The following KIRREL1 variants were observed in gnomAD, a reference collection of about 807,000 sequenced individuals.
KIRREL1 encodes the protein kin of IRRE-like protein 1.
A neutral mutation model predicts 83.3 loss-of-function variants in KIRREL1; 25 were observed. The ratio of observed to expected loss-of-function variants is 0.30; its 90% CI spans 0.22 to 0.42. KIRREL1 has a LOEUF of 0.42. Among genes scored for constraint, KIRREL1 ranks in the 10% least tolerant of loss-of-function variants. KIRREL1 has a pLI of 1.00. For missense variants in KIRREL1, 812 were observed against 1,032.3 expected (o/e 0.79, Z 2.92); for synonymous variants, 388 against 410.4 (o/e 0.95, Z 0.66).
intron 1 of KIRREL1, among the ~76,000 whole-genome samples, chr1:158,025,036 G>C (rs1660129067): frequency 1.3e-5 from 2 of 152,200 alleles, no homozygotes; most frequent in African/African-American, 4.8e-5. Flanking sequence ...TTCCTTTGTA[G>C]CCGCCTCCTC....
At chr1:158,003,874 T>G (rs957412341) in intron 1 of KIRREL1, among the ~76,000 whole-genome samples, 1 of 152,140 alleles carries the variant, frequency 6.6e-6, no homozygotes, top group Non-Finnish European at 1.5e-5. Flanking sequence ...CCGCTGCCAC[T>G]CTCCATTTAT....
At position 158,089,175 on chromosome 1, in the gene KIRREL1, A is replaced by C. The variant is rs1662114168; in HGVS notation, c.1045-327A>C. Among the ~76,000 whole-genome samples, 12 of 152,208 alleles carry C rather than the reference A, an allele frequency of 7.9e-5. No homozygotes were observed. The South Asian group carries it at 2.3e-3, about 29-fold the overall frequency. On this transcript the variant is annotated intron_variant, in intron 8 of 14. Transcript: ENST00000359209. ...AGAACTACAGGAAGAAGAATTTCAGAGTAAAACGTCCTATGTCATTTGGCA... is the reference window on the plus strand; with the variant it reads ...AGAACTACAGGAAGAAGAATTTCAGCGTAAAACGTCCTATGTCATTTGGCA...
intron 1 of KIRREL1, among the ~76,000 whole-genome samples, chr1:158,012,907 T>C (rs6696453): frequency 0.021 from 3,143 of 152,326 alleles, 116 homozygotes; most frequent in African/African-American, 0.071. Context: ...GTGGGGGCTG[T>C]CCTGTACATT....
intron 1 of KIRREL1, among the ~76,000 whole-genome samples, chr1:158,069,175 G>A (rs774547014): frequency 1.3e-5 from 2 of 152,092 alleles, no homozygotes; most frequent in Non-Finnish European, 2.9e-5. Flanking sequence ...GGAAGCAGAC[G>A]GGCATCCATG....
At chr1:158,069,184 T>C (rs1661437776) in intron 1 of KIRREL1, among the ~76,000 whole-genome samples, 1 of 151,972 alleles carries the variant, frequency 6.6e-6, no homozygotes, top group African/African-American at 2.4e-5. Context: ...CGGGCATCCA[T>C]GGGTGCAGAG....
At chr1:158,060,478 C>T (rs1661185996) in intron 1 of KIRREL1, among the ~76,000 whole-genome samples, 1 of 152,204 alleles carries the variant, frequency 6.6e-6, no homozygotes, top group African/African-American at 2.4e-5. Flanking sequence ...TGCTCCCTTT[C>T]CCATGTCCTT....
In KIRREL1 at chr1:158,098,628, C is replaced by T. The variant is rs749202265; in HGVS notation, c.*3508C>T. ...GTCACTTCCCTCGTGAAGGACCCGC[C>T]CTATATCCTAAATTCTGGATCCCTC... is the stretch of plus-strand genomic sequence containing the variant. On this transcript the variant is annotated 3_prime_UTR_variant, in exon 15 of 15. Coordinates refer to ENST00000359209, the MANE Select transcript of KIRREL1 (RefSeq NM_018240.7). 1.3e-5 allele frequency: 2 copies of T among 152,164 alleles called. No homozygotes were observed. Among genetic ancestry groups the T allele is most frequent in the Non-Finnish European group, 2.9e-5 (2 of 68,036 alleles). The allele number at this position is 152,164 out of a possible 1,614,324, so 9.4% of individuals were successfully genotyped here. A position where few individuals can be genotyped will look rare whatever the true frequency, so the allele number is the denominator to read the frequency against.
chr1:158,078,779 GGCTCTTGGAAGCCCTGCA>G (rs1031598081), intron 3 of KIRREL1, among the ~76,000 whole-genome samples: 50 of 152,310 alleles, frequency 3.3e-4, no homozygotes, highest in African/African-American at 1.1e-3. Context: ...GATGGCTGCT[GGCTCTTGGAAGCCCTGCA>G]GCTCTTGGAA....
At chr1:158,053,242 C>A (rs1278801874) in intron 1 of KIRREL1, among the ~76,000 whole-genome samples, 1 of 152,164 alleles carries the variant, frequency 6.6e-6, no homozygotes, top group African/African-American at 2.4e-5. Context: ...CTGTCTCCAT[C>A]CCCCAGTACA....
chr1:158,056,346 G>A (rs574169876), intron 1 of KIRREL1, among the ~76,000 whole-genome samples: 7 of 152,266 alleles, frequency 4.6e-5, no homozygotes, highest in Admixed American at 1.3e-4. Flanking sequence ...TGCCTTTCGC[G>A]TCAGGCTGGA....
intron 1 of KIRREL1, among the ~76,000 whole-genome samples, chr1:158,003,073 GT>G (rs960935708): frequency 6.6e-6 from 1 of 152,158 alleles, no homozygotes; most frequent in Non-Finnish European, 1.5e-5. Context: ...GCTTAGCTGA[GT>G]TTTTTTTATT....
At chr1:158,027,801 A>G (rs757976002) in intron 1 of KIRREL1, among the ~76,000 whole-genome samples, 11 of 152,202 alleles carry the variant, frequency 7.2e-5, no homozygotes, top group Non-Finnish European at 1.5e-4. Flanking sequence ...AGAGCAAAGC[A>G]GTAGATGTTA....
intron 1 of KIRREL1, among the ~76,000 whole-genome samples, chr1:158,039,458 C>G (rs1340427290): frequency 6.6e-6 from 1 of 152,118 alleles, no homozygotes; most frequent in African/African-American, 2.4e-5. Context: ...GGTATTGGCT[C>G]GAGTCTCAAG....
intron 1 of KIRREL1, among the ~76,000 whole-genome samples, chr1:158,017,981 GGGA>G (rs1571539955): frequency 6.6e-6 from 1 of 152,062 alleles, no homozygotes; most frequent in Non-Finnish European, 1.5e-5. Flanking sequence ...AATGTGAAGG[GGGA>G]GGAGGAGGGA....
At chr1:158,073,679 G>A (rs1196933369) in intron 1 of KIRREL1, among the ~76,000 whole-genome samples, 1 of 152,152 alleles carries the variant, frequency 6.6e-6, no homozygotes, top group Non-Finnish European at 1.5e-5. Context: ...GCTTGTCATT[G>A]TACAGGTGAG....
chr1:158,041,333 T>C (rs1660621762), intron 1 of KIRREL1, among the ~76,000 whole-genome samples: 1 of 152,218 alleles, frequency 6.6e-6, no homozygotes. Context: ...GTGGTCCTGG[T>C]CTTGAAGTTA....
intron 1 of KIRREL1, among the ~76,000 whole-genome samples, chr1:158,043,320 C>T (rs2101582177): frequency 6.6e-6 from 1 of 152,254 alleles, no homozygotes; most frequent in South Asian, 2.1e-4. Context: ...CACCTCATTC[C>T]CCCCTTATGG....
At chr1:158,024,998 C>T (rs1223653166) in intron 1 of KIRREL1, among the ~76,000 whole-genome samples, 3 of 152,202 alleles carry the variant, frequency 2.0e-5, no homozygotes, top group Non-Finnish European at 2.9e-5. Context: ...ATCCTGTCCC[C>T]GAGGGACCCA....
chr1:157,997,339 T>C (rs1015434914), intron 1 of KIRREL1, among the ~76,000 whole-genome samples: 7 of 152,216 alleles, frequency 4.6e-5, no homozygotes, highest in Non-Finnish European at 1.5e-5. Flanking sequence ...GTAACGTACA[T>C]GGAACAGTGT....
Sources: gnomAD v4.1 joint callset for allele counts (sites outside exome capture counted in the v4.1 genomes callset) on GRCh38, gnomAD v4.1.1 for gene constraint, MANE v1.5 for transcripts, NCBI Gene and HGNC (gene_info 2026-07-23, HGNC 2026-07-21) for gene names.